Variants in SMTN observed in about 807,000 individuals in gnomAD.
SMTN encodes smoothelin.
A neutral mutation model predicts 102.0 loss-of-function variants in SMTN; 58 were observed. That is an observed-to-expected ratio of 0.57 (90% CI 0.46 to 0.71). The LOEUF (loss-of-function observed/expected upper bound fraction) is 0.71. Among genes scored for constraint, SMTN ranks in the 30% least tolerant of loss-of-function variants. The pLI is 0.00. For missense variants in SMTN, 1,185 were observed against 1,241.7 expected, an observed-to-expected ratio of 0.95 and a Z score of 0.69; for synonymous variants, 478 against 497.9, an observed-to-expected ratio of 0.96 and a Z score of 0.53.
At position 31,099,822 on chromosome 22, in the gene SMTN, T is replaced by G. The variant is rs770319920; in HGVS notation, c.2529T>G (p.Pro843=). The change falls in exon 19 of 21, where the codon CCT becomes CCG. Residue 843 remains proline (P), a synonymous_variant. Coordinates refer to ENST00000333137, the MANE Select transcript of SMTN (RefSeq NM_134269.3). ...AFCALVHNFF[P]EAFDYGQLSP... ...GTGCCCTGGTGCACAACTTCTTCCC[T>G]GAGGCCTTCGACTATGGGCAGCTTA... 1.9e-6 allele frequency: 3 copies of G among 1,614,112 alleles called. No individual in the cohort carries two copies. The highest frequency in any genetic ancestry group is 2.5e-6 in the Non-Finnish European group (3 of 1,179,960).
At chr22:31,075,437 T>C (rs1442368474) in intron 1 of SMTN, among the ~76,000 whole-genome samples, 1 of 152,092 alleles carries the variant, frequency 6.6e-6, no homozygotes. Context: ...TCCCAGCATT[T>C]TGGGAGTCCG....
upstream of SMTN, among the ~76,000 whole-genome samples, chr22:31,077,675 T>G (rs2042163204): frequency 6.6e-6 from 1 of 152,188 alleles, no homozygotes; most frequent in African/African-American, 2.4e-5. Context: ...CTCTCCTTCC[T>G]GTTCCAGCCC....
chr22:31,100,483 C>G (rs2043985554), intron 19 of SMTN, among the ~76,000 whole-genome samples: 1 of 152,030 alleles, frequency 6.6e-6, no homozygotes, highest in Non-Finnish European at 1.5e-5. Flanking sequence ...CCTCTTCCTC[C>G]TCCCCCCACC....
At chr22:31,100,744 GTC>G in intron 19 of SMTN, 139 bp from the exon 20 acceptor site, 2 of 604,572 alleles carry the variant, frequency 3.3e-6, no homozygotes, top group South Asian at 2.0e-5. Context: ...TTGAACTCAT[GTC>G]TCTGTGTGTG....
At chr22:31,098,867 T>TG (rs752217888) in intron 17 of SMTN, 27 bp downstream of exon 17, 9 of 1,276,432 alleles carry the variant, frequency 7.1e-6, no homozygotes, top group Non-Finnish European at 9.7e-6. Context: ...GGCTGGGCAG[T>TG]GGGGGGCGGG....
upstream of SMTN, among the ~76,000 whole-genome samples, chr22:31,077,967 A>C (rs1270816658): frequency 4.6e-5 from 7 of 152,192 alleles, no homozygotes; most frequent in Non-Finnish European, 1.0e-4. Context: ...AACCCCAACA[A>C]GAACCATCCA....
chr22:31,087,988 A>G lies in SMTN; in HGVS notation c.75A>G (p.Ala25=), dbSNP rs774562229. ...RKLLEVTADL[A]ERRRIRSAIR... is the part of the protein sequence containing the mutation. ...AGCTGGAGGTCACAGCAGATCTGGC[A>G]GAGCGGCGGCGCATCCGCTCAGCCA... The change falls in exon 3 of 21, where the codon GCA becomes GCG. Residue 25 remains alanine, a synonymous_variant. Transcript: ENST00000333137. 2 of 1,605,288 alleles carry G rather than the reference A, an allele frequency of 1.2e-6. No homozygotes were observed. The highest frequency in any genetic ancestry group is 1.7e-6 in the Non-Finnish European group (2 of 1,173,764).
intron 11 of SMTN, chr22:31,093,677 A>G (rs2043327286): frequency 1.2e-6 from 1 of 838,764 alleles, no homozygotes; most frequent in Non-Finnish European, 2.1e-6. Flanking sequence ...AGGCAGGTGG[A>G]GGTGCTGAGC....
At chr22:31,099,702 G>A (rs759989393) in intron 18 of SMTN, 43 bp from the exon 19 acceptor site, 1 of 1,602,826 alleles carries the variant, frequency 6.2e-7, no homozygotes, top group Non-Finnish European at 8.5e-7. Flanking sequence ...CAGCAGGGGG[G>A]AGTTGCCCCC....
rs528712021 is a variant in SMTN at position 31,094,441 on chromosome 22, G to A, written c.1633-862G>A. ...CTCTTGGCAAGGTAGCAGGCAGATGGGGGGCAACATGTGCTGCCTGGGCAC... is the reference window on the plus strand; with the variant it reads ...CTCTTGGCAAGGTAGCAGGCAGATGAGGGGCAACATGTGCTGCCTGGGCAC... On this transcript the variant is annotated intron_variant, in intron 11 of 20. Transcript: ENST00000333137. Among the ~76,000 whole-genome samples, 8 of 152,354 alleles carry A rather than the reference G, an allele frequency of 5.3e-5. No homozygotes were observed. In the Middle Eastern group the frequency reaches 0.01, roughly 194 times the overall value.
In SMTN at chr22:31,096,819, A is replaced by T; in HGVS notation, c.1948A>T (p.Thr650Ser). The change falls in exon 14 of 21, where the codon ACC becomes TCC. Residue 650 changes from threonine (T) to serine (S), a missense_variant. Transcript: ENST00000333137. ...EGRGNTATET[T>S]TRHSQRAADG... Reference sequence around the variant, plus strand: ...GCGCGGCAACACAGCCACTGAGACCACCACGAGGCACAGCCAGCGGGCAGC... The same window carrying T: ...GCGCGGCAACACAGCCACTGAGACCTCCACGAGGCACAGCCAGCGGGCAGC... The T allele has an allele frequency of 6.4e-7, 1 of 1,573,140 alleles. No individual in the cohort carries two copies. Among genetic ancestry groups the T allele is most frequent in the Non-Finnish European group, 8.6e-7 (1 of 1,158,136 alleles).
chr22:31,085,620 C>T (rs2042638787), intron 2 of SMTN, among the ~76,000 whole-genome samples: 1 of 152,254 alleles, frequency 6.6e-6, no homozygotes, highest in Non-Finnish European at 1.5e-5. Context: ...TTCCCCTTCC[C>T]CCTCGGTAGA....
intron 2 of SMTN, chr22:31,085,089 C>G (rs750413781): frequency 2.0e-6 from 3 of 1,534,634 alleles, no homozygotes; most frequent in East Asian, 2.4e-5. Context: ...GGAATGGGGA[C>G]GCCTGGGGAC....
chr22:31,081,899 T>C (rs924084611), intron 1 of SMTN, among the ~76,000 whole-genome samples: 1 of 152,124 alleles, frequency 6.6e-6, no homozygotes, highest in South Asian at 2.1e-4. Context: ...TGGACAGTCT[T>C]GAAGAGGTTT....
intron 1 of SMTN, among the ~76,000 whole-genome samples, chr22:31,076,058 G>A (rs1459294728): frequency 1.3e-5 from 2 of 152,184 alleles, no homozygotes; most frequent in Non-Finnish European, 2.9e-5. Context: ...GGGTAGGGCA[G>A]GGCCTGGCTG....
chr22:31,081,480 G>C (rs960133357), intron 1 of SMTN, 24 bp downstream of exon 1: 2 of 152,482 alleles, frequency 1.3e-5, no homozygotes, highest in Non-Finnish European at 2.9e-5. Context: ...CCTCGGGGGG[G>C]ATCCTGGTGC....
At chr22:31,083,151 A>G (rs768501441) in intron 1 of SMTN, 28 bp from the exon 2 acceptor site, 1 of 1,556,484 alleles carries the variant, frequency 6.4e-7, no homozygotes, top group Non-Finnish European at 8.7e-7. Context: ...AAGCCCCAGC[A>G]TGCCTGATTC....
upstream of SMTN, among the ~76,000 whole-genome samples, chr22:31,079,695 T>A (rs145579085): frequency 0.016 from 2,454 of 152,356 alleles, 30 homozygotes; most frequent in Non-Finnish European, 0.026. Context: ...AAATATGTCC[T>A]CCGAAGTGAG....
In SMTN at chr22:31,091,222, T is replaced by A. The variant is rs1485550929; in HGVS notation, c.1199T>A (p.Val400Glu). The A allele has an allele frequency of 7.5e-6, 12 of 1,610,592 alleles. No homozygotes were observed. The highest frequency in any genetic ancestry group is 1.0e-5 in the Non-Finnish European group (12 of 1,178,880). Residue 400 changes from valine to glutamate, a missense_variant, in exon 10 of 21, where the codon GTA becomes GAA. By Grantham distance (121) the Val-to-Glu change is moderately radical. Coordinates refer to ENST00000333137, the MANE Select transcript of SMTN (RefSeq NM_134269.3). ...CGGTTCAGCAAGGAGCAACGAGGAG[T>A]AGCCCAGCCCCTGGCCCAGCTTCGA... is the stretch of plus-strand genomic sequence containing the variant. Reference protein sequence around the residue: ...SSRFSKEQRGVAQPLAQLRSC... With the variant: ...SSRFSKEQRGEAQPLAQLRSC...
Sources: gnomAD v4.1 joint callset for allele counts (sites outside exome capture counted in the v4.1 genomes callset) on GRCh38, gnomAD v4.1.1 for gene constraint, MANE v1.5 for transcripts, NCBI Gene and HGNC (gene_info 2026-07-23, HGNC 2026-07-21) for gene names.